Variants in GALNT13 observed in about 807,000 individuals in gnomAD.
The protein encoded by GALNT13 is polypeptide N-acetylgalactosaminyltransferase 13.
Under a neutral mutation model 64.2 loss-of-function variants are expected in GALNT13, and 28 were observed. That is an observed-to-expected ratio of 0.44 (90% CI 0.32 to 0.60). The LOEUF is 0.60. GALNT13 is among the 20% of genes least tolerant of loss of function. The pLI is 0.05. For synonymous variants in GALNT13, 214 were observed against 224.6 expected (o/e 0.95, Z 0.42); for missense variants, 577 against 669.8 (o/e 0.86, Z 1.53).
the GALNT13 span, among the ~76,000 whole-genome samples, chr2:153,352,996 G>A: frequency 1.3e-5 from 2 of 152,060 alleles, no homozygotes; most frequent in Admixed American, 6.5e-5. Context: ...AAAATAACTT[G>A]CTGGGATTTT....
intron 3 of GALNT13, among the ~76,000 whole-genome samples, chr2:154,079,857 G>A (rs903858583): frequency 9.2e-5 from 14 of 151,644 alleles, no homozygotes; most frequent in Admixed American, 5.9e-4. Context: ...TTAAAGCAAA[G>A]TAAAATTAAA....
chr2:153,935,888 C>T (rs954313733), intron 2 of GALNT13, among the ~76,000 whole-genome samples: 3 of 152,212 alleles, frequency 2.0e-5, no homozygotes, highest in African/African-American at 7.2e-5. Flanking sequence ...TTCTCCACAG[C>T]CATGAAATTT....
the GALNT13 span, among the ~76,000 whole-genome samples, chr2:153,474,582 A>C: frequency 1.3e-5 from 2 of 152,174 alleles, no homozygotes; most frequent in East Asian, 1.9e-4. Context: ...TCGTATCAAC[A>C]ATCTTAAGAA....
At chr2:153,892,560 A>G (rs1687622066) in intron 1 of GALNT13, among the ~76,000 whole-genome samples, 1 of 152,058 alleles carries the variant, frequency 6.6e-6, no homozygotes, top group South Asian at 2.1e-4. Flanking sequence ...AAAAAACAAA[A>G]AGACAAAATT....
At chr2:153,170,729 A>G in the GALNT13 span, among the ~76,000 whole-genome samples, 1 of 152,230 alleles carries the variant, frequency 6.6e-6, no homozygotes, top group African/African-American at 2.4e-5. Context: ...AACAAATGTT[A>G]CCTTATTTGA....
At chr2:153,833,995 AATG>A in the GALNT13 span, among the ~76,000 whole-genome samples, 1 of 76,370 alleles carries the variant, frequency 1.3e-5, no homozygotes, top group Non-Finnish European at 3.5e-5. Flanking sequence ...ATTTCTTAAC[AATG>A]TTACTGATAA....
At chr2:153,271,477 T>C in the GALNT13 span, among the ~76,000 whole-genome samples, 4 of 151,210 alleles carry the variant, frequency 2.6e-5, no homozygotes, top group Non-Finnish European at 4.5e-5. Context: ...ACACCAATAA[T>C]AGGCAGAGAA....
the GALNT13 span, among the ~76,000 whole-genome samples, chr2:153,799,211 G>T: frequency 6.6e-6 from 1 of 152,032 alleles, no homozygotes; most frequent in South Asian, 2.1e-4. Context: ...TTTTTCTATG[G>T]TTAGTGTTTA....
chr2:153,647,711 G>A, the GALNT13 span, among the ~76,000 whole-genome samples: 15 of 152,044 alleles, frequency 9.9e-5, no homozygotes, highest in Middle Eastern at 0.014. Context: ...AGCACCATTT[G>A]TTAAATAGGG....
chr2:154,282,212 A>AT (rs1238702462), intron 8 of GALNT13, among the ~76,000 whole-genome samples: 1 of 152,020 alleles, frequency 6.6e-6, no homozygotes, highest in Non-Finnish European at 1.5e-5. Context: ...GTGCTCTTCC[A>AT]TTTTTTCTCG....
chr2:153,689,942 G>A, the GALNT13 span, among the ~76,000 whole-genome samples: 11 of 152,072 alleles, frequency 7.2e-5, no homozygotes, highest in African/African-American at 2.6e-4. Flanking sequence ...TGTTGTCGCT[G>A]TAATTAACAT....
the GALNT13 span, among the ~76,000 whole-genome samples, chr2:153,420,493 ATTTAC>A: frequency 1.3e-5 from 2 of 152,174 alleles, no homozygotes; most frequent in Non-Finnish European, 2.9e-5. Flanking sequence ...ATTTTATTTT[ATTTAC>A]TTCAAGCCTT....
intron 3 of GALNT13, among the ~76,000 whole-genome samples, chr2:154,077,762 G>A (rs905514318): frequency 4.6e-5 from 7 of 151,474 alleles, no homozygotes; most frequent in African/African-American, 1.7e-4. Flanking sequence ...TTATCTTCTA[G>A]AATTATTTTT....
At chr2:154,358,826 A>C (rs1302353140) in intron 9 of GALNT13, among the ~76,000 whole-genome samples, 1 of 152,126 alleles carries the variant, frequency 6.6e-6, no homozygotes, top group South Asian at 2.1e-4. Context: ...CTACAATGGA[A>C]GAAATGTGTG....
chr2:154,366,497 T>C (rs969835138), intron 9 of GALNT13, among the ~76,000 whole-genome samples: 1 of 152,150 alleles, frequency 6.6e-6, no homozygotes, highest in Non-Finnish European at 1.5e-5. Context: ...CGTAACAAGA[T>C]TGAGTAAACC....
the GALNT13 span, among the ~76,000 whole-genome samples, chr2:153,573,115 A>C: frequency 6.6e-6 from 1 of 151,864 alleles, no homozygotes; most frequent in Admixed American, 6.6e-5. Context: ...TATATATCTG[A>C]GTGCTCCAGT....
At chr2:153,107,917 C>CTCTACAACACATATCATT in the GALNT13 span, among the ~76,000 whole-genome samples, 2 of 152,038 alleles carry the variant, frequency 1.3e-5, no homozygotes, top group East Asian at 1.9e-4. Flanking sequence ...AGTTAAACAC[C>CTCTACAACACATATCATT]TCTACAACAC....
chr2:153,657,058 T>C, the GALNT13 span, among the ~76,000 whole-genome samples: 1 of 152,216 alleles, frequency 6.6e-6, no homozygotes, highest in East Asian at 1.9e-4. Flanking sequence ...CTGAGTCTTA[T>C]AGCGGTGTTG....
intron 4 of GALNT13, among the ~76,000 whole-genome samples, chr2:154,225,163 TA>T (rs1177731764): frequency 2.5e-5 from 2 of 79,320 alleles, no homozygotes; most frequent in African/African-American, 3.5e-5. Flanking sequence ...AGATAGATGA[TA>T]GATAGATAGA....
Sources: gnomAD v4.1 joint callset for allele counts (sites outside exome capture counted in the v4.1 genomes callset) on GRCh38, gnomAD v4.1.1 for gene constraint, MANE v1.5 for transcripts, NCBI Gene and HGNC (gene_info 2026-07-23, HGNC 2026-07-21) for gene names.